ADGRL2: variants seen among roughly 807,000 people sequenced by gnomAD.
ADGRL2 encodes calcium-independent alpha-latrotoxin receptor 2.
In ADGRL2, 44 loss-of-function variants were observed where a neutral mutation model predicts 157.4. The ratio of observed to expected loss-of-function variants is 0.28; its 90% CI spans 0.22 to 0.36. The LOEUF (loss-of-function observed/expected upper bound fraction) is 0.36, where lower values mean the gene tolerates loss of function less well. Among genes scored for constraint, ADGRL2 ranks in the 10% least tolerant of loss-of-function variants. The probability of loss-of-function intolerance (pLI) is 1.00; values close to 1 mark genes in which losing one functional copy is unlikely to be tolerated. For missense variants in ADGRL2, 1,510 were observed against 1,768.9 expected (o/e 0.85, Z 2.63); for synonymous variants, 585 against 624.7 (o/e 0.94, Z 0.95).
intron 3 of ADGRL2, among the ~76,000 whole-genome samples, chr1:81,651,657 G>T (rs1385682616): frequency 1.3e-5 from 2 of 152,010 alleles, no homozygotes; most frequent in South Asian, 2.1e-4. Context: ...TTATACTTTG[G>T]CATCAATTCA....
At chr1:81,728,291 T>C (rs1315224120) in intron 1 of ADGRL2, among the ~76,000 whole-genome samples, 1 of 152,208 alleles carries the variant, frequency 6.6e-6, no homozygotes, top group Non-Finnish European at 1.5e-5. Flanking sequence ...AAATTTTGAC[T>C]AAGCAAAATC....
intron 1 of ADGRL2, among the ~76,000 whole-genome samples, chr1:81,388,918 A>G (rs12072484): frequency 0.032 from 4,867 of 152,198 alleles, 267 homozygotes; most frequent in African/African-American, 0.11. Flanking sequence ...TTGGGGCCCC[A>G]GCTCAACGTA....
chr1:81,801,181 T>C (rs2088036817), intron 1 of ADGRL2, among the ~76,000 whole-genome samples, 113 bp downstream of exon 1: 1 of 152,212 alleles, frequency 6.6e-6, no homozygotes, highest in Non-Finnish European at 1.5e-5. Flanking sequence ...GATTATCTGC[T>C]CCACGTTTTG....
At chr1:81,754,606 C>A (rs933301980) in intron 1 of ADGRL2, among the ~76,000 whole-genome samples, 1 of 141,292 alleles carries the variant, frequency 7.1e-6, no homozygotes, top group African/African-American at 2.6e-5. Context: ...TTTCTTTCTC[C>A]CTTTCTTTTC....
intron 3 of ADGRL2, among the ~76,000 whole-genome samples, chr1:81,920,375 G>C (rs181194648): frequency 6.6e-6 from 1 of 152,246 alleles, no homozygotes; most frequent in African/African-American, 2.4e-5. Flanking sequence ...GTTATGGTTG[G>C]TGTTGTAGTG....
chr1:81,888,340 C>T (rs1415618833), intron 2 of ADGRL2, among the ~76,000 whole-genome samples: 1 of 152,058 alleles, frequency 6.6e-6, no homozygotes, highest in Non-Finnish European at 1.5e-5. Context: ...GCAAAATGCC[C>T]AAGTAAATGT....
intron 2 of ADGRL2, among the ~76,000 whole-genome samples, chr1:81,537,571 C>G (rs114939571): frequency 0.016 from 2,429 of 152,248 alleles, 68 homozygotes; most frequent in African/African-American, 0.055. Context: ...CAGATGTGAG[C>G]CACCACGCCT....
intron 2 of ADGRL2, among the ~76,000 whole-genome samples, chr1:81,509,904 C>G (rs561156537): frequency 6.6e-6 from 1 of 152,128 alleles, no homozygotes. Context: ...TTAATCCTTG[C>G]GAGTCTGCCC....
intron 1 of ADGRL2, among the ~76,000 whole-genome samples, chr1:81,358,599 T>C (rs1460511334): frequency 6.6e-6 from 1 of 152,168 alleles, no homozygotes; most frequent in Non-Finnish European, 1.5e-5. Context: ...TCATTTATAG[T>C]TTGATTAACT....
chr1:81,864,600 T>G (rs1402087481), intron 2 of ADGRL2, among the ~76,000 whole-genome samples: 1 of 152,232 alleles, frequency 6.6e-6, no homozygotes, highest in East Asian at 1.9e-4. Context: ...TAAATATATT[T>G]ACAATGAAGT....
At chr1:81,860,856 ATTC>A (rs1322716307) in intron 2 of ADGRL2, among the ~76,000 whole-genome samples, 2 of 152,046 alleles carry the variant, frequency 1.3e-5, no homozygotes, top group African/African-American at 4.8e-5. Context: ...TTTTCTTTTT[ATTC>A]TTTATTGTTT....
intron 1 of ADGRL2, among the ~76,000 whole-genome samples, chr1:81,810,977 T>C (rs1482789274): frequency 1.3e-5 from 2 of 151,994 alleles, no homozygotes; most frequent in East Asian, 1.9e-4. Context: ...GCTCAATAGA[T>C]GAATAAATAG....
At chr1:81,725,463 C>T (rs1557599031) in intron 1 of ADGRL2, among the ~76,000 whole-genome samples, 2 of 151,942 alleles carry the variant, frequency 1.3e-5, no homozygotes, top group East Asian at 1.9e-4. Flanking sequence ...TATTTGAACT[C>T]GGGAGGTGAA....
At chr1:81,633,366 C>A (rs1029447875) in intron 3 of ADGRL2, among the ~76,000 whole-genome samples, 2 of 151,894 alleles carry the variant, frequency 1.3e-5, no homozygotes. Context: ...GAGGCTGAGG[C>A]TGGCAGATCA....
At chr1:81,677,078 C>T (rs111477988) in intron 3 of ADGRL2, among the ~76,000 whole-genome samples, 2,784 of 151,932 alleles carry the variant, frequency 0.018, 93 homozygotes, top group African/African-American at 0.064. Context: ...CTCTGCCTCC[C>T]GGTTTCAGGC....
chr1:81,595,771 T>G (rs1032680642), intron 3 of ADGRL2, among the ~76,000 whole-genome samples: 1 of 152,218 alleles, frequency 6.6e-6, no homozygotes, highest in East Asian at 1.9e-4. Flanking sequence ...TAAATAATAG[T>G]TCTATATCTG....
In ADGRL2 at chr1:81,747,267, G is replaced by A. The variant is rs551777466; in HGVS notation, c.-142-14544G>A. On this transcript the variant is annotated intron_variant, in intron 1 of 20. Transcript: ENST00000359929. ...TGTATATGTGTGTATATATGTATAT[G>A]TGTATATATACATGTGCATACATGT... Among the ~76,000 whole-genome samples the A allele has an allele frequency of 4.1e-5, 6 of 147,780 alleles. No homozygotes were observed. The East Asian group carries it at 7.9e-4, about 20-fold the overall frequency.
intron 6 of ADGRL2, among the ~76,000 whole-genome samples, chr1:81,949,916 A>G (rs537883690): frequency 3.3e-4 from 50 of 152,230 alleles, no homozygotes; most frequent in Non-Finnish European, 6.6e-4. Context: ...CACATATTTC[A>G]TTGAGAAATA....
At chr1:81,361,952 C>T (rs1376325906) in intron 1 of ADGRL2, among the ~76,000 whole-genome samples, 3 of 151,690 alleles carry the variant, frequency 2.0e-5, no homozygotes, top group Admixed American at 2.0e-4. Flanking sequence ...TTTTTAGAAA[C>T]AAATTCCTGG....
Sources: gnomAD v4.1 joint callset for allele counts (sites outside exome capture counted in the v4.1 genomes callset) on GRCh38, gnomAD v4.1.1 for gene constraint, MANE v1.5 for transcripts, NCBI Gene and HGNC (gene_info 2026-07-23, HGNC 2026-07-21) for gene names.